Variants in OSTF1 observed in about 807,000 individuals in gnomAD.
OSTF1 encodes osteoclast stimulating factor 1, also known as osteoclast-stimulating factor 1.
In OSTF1, 27 loss-of-function variants were observed where a neutral mutation model predicts 37.2. The observed-to-expected ratio is 0.73, with a 90% CI of 0.54 to 1.00. OSTF1 has a LOEUF of 1.00. Ranked by LOEUF, OSTF1 falls within the 50% of genes least tolerant of loss-of-function variation. OSTF1 has a pLI of 0.00. For synonymous variants in OSTF1, 82 were observed against 89.2 expected (o/e 0.92, Z 0.46); for missense variants, 232 against 253.8 (o/e 0.91, Z 0.58).
rs1564169056 is a variant in OSTF1 at position 75,137,575 on chromosome 9, G to T, written c.446G>T (p.Trp149Leu). 1 of 1,613,206 alleles carries T rather than the reference G, an allele frequency of 6.2e-7. No homozygotes were observed. Among genetic ancestry groups the T allele is most frequent in the Non-Finnish European group, 8.5e-7 (1 of 1,179,144 alleles). Residue 149 changes from tryptophan to leucine, a missense_variant, in exon 8 of 10, where the codon TGG becomes TTG. Trp to Leu is a moderately conservative substitution (Grantham distance 61, BLOSUM62 -2). Transcript: ENST00000346234. ...GATACAGCTTTGCATGCTGCTGCCT[G>T]GAAGGGTTATGCAGATATCGTCCAG... is the stretch of plus-strand genomic sequence containing the variant. Reference protein sequence around the residue: ...LGDTALHAAAWKGYADIVQLL... With the variant: ...LGDTALHAAALKGYADIVQLL...
chr9:75,142,187 T>C (rs1161388262), intron 9 of OSTF1, among the ~76,000 whole-genome samples: 4 of 152,232 alleles, frequency 2.6e-5, no homozygotes, highest in African/African-American at 9.6e-5. Context: ...TGCAAGCCTT[T>C]CTTTAAAGTA....
intron 2 of OSTF1, among the ~76,000 whole-genome samples, chr9:75,118,237 T>C (rs117163756): frequency 6.6e-6 from 1 of 152,292 alleles, no homozygotes; most frequent in East Asian, 1.9e-4. Context: ...TGTTCAGAGA[T>C]GGCCTTTCTA....
chr9:75,133,142 A>G, intron 5 of OSTF1, 152 bp from the exon 6 acceptor site: 1 of 566,924 alleles, frequency 1.8e-6, no homozygotes, highest in Non-Finnish European at 3.2e-6. Flanking sequence ...AAAATGTACC[A>G]TAATAAATGC....
intron 1 of OSTF1, among the ~76,000 whole-genome samples, chr9:75,095,912 G>A (rs1423423772): frequency 2.7e-5 from 4 of 148,858 alleles, no homozygotes; most frequent in African/African-American, 4.9e-5. Flanking sequence ...TTTTTTTTGA[G>A]ATGGAGTCTT....
intron 1 of OSTF1, among the ~76,000 whole-genome samples, chr9:75,092,952 A>T (rs899768754): frequency 6.6e-6 from 1 of 151,606 alleles, no homozygotes; most frequent in African/African-American, 2.4e-5. Context: ...CTTAACTGTT[A>T]TCTGTGCCAC....
intron 1 of OSTF1, among the ~76,000 whole-genome samples, chr9:75,108,062 G>A (rs186835654): frequency 1.8e-4 from 28 of 151,780 alleles, no homozygotes; most frequent in Admixed American, 1.7e-3. Flanking sequence ...CATGACTCCC[G>A]TCTCTACAAA....
At chr9:75,128,938 A>C (rs1248037279) in intron 3 of OSTF1, among the ~76,000 whole-genome samples, 1 of 152,084 alleles carries the variant, frequency 6.6e-6, no homozygotes, top group Admixed American at 6.6e-5. Flanking sequence ...AAAATGACCA[A>C]CCCAATAATA....
At chr9:75,139,960 A>T (rs1257788331) in intron 8 of OSTF1, among the ~76,000 whole-genome samples, 1 of 152,226 alleles carries the variant, frequency 6.6e-6, no homozygotes, top group Non-Finnish European at 1.5e-5. Flanking sequence ...ATTTGTGATA[A>T]TGAAAATTAG....
At chr9:75,124,782 A>T (rs1825636146) in intron 2 of OSTF1, among the ~76,000 whole-genome samples, 1 of 149,278 alleles carries the variant, frequency 6.7e-6, no homozygotes, top group Non-Finnish European at 1.5e-5. Context: ...GTACTTTTTC[A>T]TAAAGTGTTT....
intron 2 of OSTF1, among the ~76,000 whole-genome samples, chr9:75,119,976 A>G (rs992105427): frequency 2.4e-4 from 37 of 152,126 alleles, no homozygotes; most frequent in African/African-American, 8.7e-4. Flanking sequence ...AAAAAAAAAA[A>G]AAGATATGAG....
intron 7 of OSTF1, 83 bp downstream of exon 7, chr9:75,134,478 T>G: frequency 1.4e-6 from 1 of 699,998 alleles, no homozygotes; most frequent in East Asian, 2.9e-5. Flanking sequence ...ATGTGAAGTA[T>G]TGTAGTCAAA....
intron 5 of OSTF1, 76 bp from the exon 6 acceptor site, chr9:75,133,218 A>G (rs1403497603): frequency 3.5e-6 from 3 of 864,306 alleles, no homozygotes; most frequent in Non-Finnish European, 5.7e-6. Flanking sequence ...TTTATGCAGA[A>G]TGACATTGAT....
intron 1 of OSTF1, among the ~76,000 whole-genome samples, chr9:75,096,786 A>T (rs1825094611): frequency 6.6e-6 from 1 of 152,174 alleles, no homozygotes; most frequent in African/African-American, 2.4e-5. Flanking sequence ...TGTGGGTTAG[A>T]CGGGGTTGGC....
At chr9:75,097,219 C>T (rs1825102792) in intron 1 of OSTF1, among the ~76,000 whole-genome samples, 1 of 152,164 alleles carries the variant, frequency 6.6e-6, no homozygotes, top group Non-Finnish European at 1.5e-5. Context: ...GCATTCAGGT[C>T]ATCCAAGCAA....
chr9:75,134,431 C>T (rs1298212776), intron 7 of OSTF1, 36 bp downstream of exon 7: 1 of 1,169,712 alleles, frequency 8.5e-7, no homozygotes, highest in African/African-American at 1.5e-5. Flanking sequence ...TTAACACATA[C>T]CTGCTTGTTG....
In OSTF1 at chr9:75,103,591, A is replaced by G. The variant is rs150693200; in HGVS notation, c.35-13913A>G. On this transcript the variant is annotated intron_variant, in intron 1 of 9. Transcript: ENST00000346234. ...ACTAAAGATAAGTATATACCCCAGAAGCTAAATTTTAAGGGACACGATAAA... is the reference window on the plus strand; with the variant it reads ...ACTAAAGATAAGTATATACCCCAGAGGCTAAATTTTAAGGGACACGATAAA... 1.8e-4 allele frequency among the ~76,000 whole-genome samples: 28 copies of G among 152,312 alleles called. No individual in the cohort carries two copies. The East Asian group carries it at 4.2e-3, about 23-fold the overall frequency.
intron 1 of OSTF1, among the ~76,000 whole-genome samples, chr9:75,116,239 A>G (rs1825486843): frequency 6.6e-6 from 1 of 152,222 alleles, no homozygotes; most frequent in African/African-American, 2.4e-5. Context: ...GAGGATGTAT[A>G]TATGTGCAAA....
intron 2 of OSTF1, among the ~76,000 whole-genome samples, chr9:75,125,933 A>G (rs1177354914): frequency 6.6e-6 from 1 of 152,144 alleles, no homozygotes; most frequent in Non-Finnish European, 1.5e-5. Flanking sequence ...TTTTTGAGAC[A>G]GAGTCTTGCT....
chr9:75,123,542 G>A (rs555044631), intron 2 of OSTF1, among the ~76,000 whole-genome samples: 1 of 152,228 alleles, frequency 6.6e-6, no homozygotes, highest in African/African-American at 2.4e-5. Flanking sequence ...GAATTTAAAA[G>A]TAGGTGCTCA....
Sources: allele counts gnomAD v4.1 joint callset (sites outside exome capture counted in the v4.1 genomes callset), GRCh38; gene constraint gnomAD v4.1.1; transcripts MANE v1.5; gene names NCBI Gene and HGNC (gene_info 2026-07-23, HGNC 2026-07-21).